The following ANKS1B variants were observed in gnomAD, a reference collection of about 807,000 sequenced individuals.
ANKS1B encodes the protein ankyrin repeat and sterile alpha motif domain-containing protein 1B.
A neutral mutation model predicts 148.3 loss-of-function variants in ANKS1B; 36 were observed. The ratio of observed to expected loss-of-function variants is 0.24; its 90% CI spans 0.19 to 0.32. The LOEUF (loss-of-function observed/expected upper bound fraction) is 0.32. Ranked by LOEUF, ANKS1B falls within the 10% of genes least tolerant of loss-of-function variation. The pLI is 1.00. For missense variants in ANKS1B, 1,157 were observed against 1,542.6 expected (o/e 0.75, Z 4.19); for synonymous variants, 542 against 560.8 (o/e 0.97, Z 0.47).
At chr12:98,882,790 G>C (rs936168743) in intron 17 of ANKS1B, among the ~76,000 whole-genome samples, 3 of 151,626 alleles carry the variant, frequency 2.0e-5, no homozygotes, top group African/African-American at 7.3e-5. Flanking sequence ...TTTAGGTAAA[G>C]AGAATGATCA....
At chr12:99,531,809 C>T (rs961701963) in intron 9 of ANKS1B, among the ~76,000 whole-genome samples, 1 of 152,190 alleles carries the variant, frequency 6.6e-6, no homozygotes, top group Non-Finnish European at 1.5e-5. Context: ...TACTAATTCA[C>T]ATTCCCACCA....
At position 99,825,408 on chromosome 12, in the gene ANKS1B, C is replaced by T. The variant is rs74769703; in HGVS notation, c.135-19G>A. 2,725 of 1,597,996 alleles carry T rather than the reference C, an allele frequency of 1.7e-3. 47 individuals are homozygous for T. In the African/African-American group the frequency reaches 0.032, roughly 19 times the overall value. ...CCAGATGCTGCAAATAAAGCACAAG[C>T]GCAGAGTTAACAGTGAAGCCAGATC... On this transcript the variant is annotated intron_variant, in intron 1 of 26. Coordinates refer to ENST00000683438, the MANE Select transcript of ANKS1B (RefSeq NM_001352186.2).
intron 1 of ANKS1B, among the ~76,000 whole-genome samples, chr12:99,903,613 T>A (rs2093674831): frequency 6.6e-6 from 1 of 152,146 alleles, no homozygotes; most frequent in East Asian, 1.9e-4. Flanking sequence ...AATAGACAGG[T>A]AAAGTTAATT....
intron 10 of ANKS1B, among the ~76,000 whole-genome samples, chr12:99,496,082 A>G (rs2096601630): frequency 6.6e-6 from 1 of 152,108 alleles, no homozygotes; most frequent in Non-Finnish European, 1.5e-5. Context: ...TTTATCAGAG[A>G]TCATCTATTC....
At chr12:99,412,937 C>T (rs73151181) in intron 11 of ANKS1B, among the ~76,000 whole-genome samples, 15,424 of 152,178 alleles carry the variant, frequency 0.1, 812 homozygotes, top group Non-Finnish European at 0.13. Flanking sequence ...AAGTGAAGTA[C>T]AATTTTTTGG....
chr12:98,775,871 C>G (rs35263167), intron 24 of ANKS1B, among the ~76,000 whole-genome samples: 12,670 of 152,254 alleles, frequency 0.083, 702 homozygotes, highest in Non-Finnish European at 0.12. Context: ...GTGGAAACTT[C>G]TACTACTCTG....
intron 12 of ANKS1B, among the ~76,000 whole-genome samples, chr12:99,296,487 T>C (rs1602537825): frequency 6.6e-6 from 1 of 152,192 alleles, no homozygotes; most frequent in Non-Finnish European, 1.5e-5. Context: ...GATCTTTCGA[T>C]GGCTGGCTCC....
intron 12 of ANKS1B, among the ~76,000 whole-genome samples, chr12:99,299,285 T>C (rs1176458575): frequency 6.6e-6 from 1 of 152,128 alleles, no homozygotes; most frequent in African/African-American, 2.4e-5. Flanking sequence ...GGTCTTGAAC[T>C]CCTGGCCTGA....
intron 20 of ANKS1B, among the ~76,000 whole-genome samples, chr12:98,805,034 G>C (rs1594240623): frequency 6.6e-6 from 1 of 152,148 alleles, no homozygotes; most frequent in Admixed American, 6.5e-5. Flanking sequence ...AGTAGGAAAA[G>C]TTTAGGGTAG....
At chr12:99,527,070 C>T (rs115115274) in intron 9 of ANKS1B, among the ~76,000 whole-genome samples, 22 of 152,242 alleles carry the variant, frequency 1.4e-4, no homozygotes, top group African/African-American at 5.1e-4. Flanking sequence ...CTCTCACAGA[C>T]CTCAGAAGGA....
chr12:99,186,376 G>T (rs572565851), intron 14 of ANKS1B, among the ~76,000 whole-genome samples: 1 of 152,186 alleles, frequency 6.6e-6, no homozygotes, highest in African/African-American at 2.4e-5. Flanking sequence ...CCGGCACATT[G>T]ATTGAGCTCT....
At chr12:99,028,905 G>A (rs117259069) in intron 17 of ANKS1B, among the ~76,000 whole-genome samples, 3,010 of 152,212 alleles carry the variant, frequency 0.02, 41 homozygotes, top group Non-Finnish European at 0.032. Context: ...ACAGCCAGGG[G>A]ATTTTTATAA....
chr12:99,229,117 G>C (rs180870462), intron 14 of ANKS1B, among the ~76,000 whole-genome samples: 60 of 151,998 alleles, frequency 3.9e-4, no homozygotes, highest in African/African-American at 1.3e-3. Context: ...GATATCCACT[G>C]TTAGACTTTT....
At chr12:99,547,508 T>C (rs1372197712) in intron 9 of ANKS1B, among the ~76,000 whole-genome samples, 1 of 152,058 alleles carries the variant, frequency 6.6e-6, no homozygotes, top group Admixed American at 6.6e-5. Context: ...TAGCCCCAAC[T>C]CTAAAGCAAA....
intron 1 of ANKS1B, among the ~76,000 whole-genome samples, chr12:99,835,132 C>T (rs2153692275): frequency 6.6e-6 from 1 of 151,646 alleles, no homozygotes; most frequent in South Asian, 2.1e-4. Context: ...AAGGTGAGGA[C>T]TGGGCATGGT....
intron 12 of ANKS1B, among the ~76,000 whole-genome samples, chr12:99,299,235 A>AT (rs953028332): frequency 6.6e-6 from 1 of 151,814 alleles, no homozygotes; most frequent in Admixed American, 6.6e-5. Flanking sequence ...TAAGTTTTCT[A>AT]TTTTTTGTAG....
chr12:99,356,057 A>C (rs1436738963), intron 12 of ANKS1B, among the ~76,000 whole-genome samples: 1 of 152,126 alleles, frequency 6.6e-6, no homozygotes, highest in Non-Finnish European at 1.5e-5. Context: ...GGGGATTAGA[A>C]TATTGAGGGA....
intron 17 of ANKS1B, among the ~76,000 whole-genome samples, chr12:98,851,382 A>C (rs2099524698): frequency 6.6e-6 from 1 of 152,208 alleles, no homozygotes; most frequent in African/African-American, 2.4e-5. Context: ...AGGGCTGAGA[A>C]GGAGATTTCC....
chr12:99,018,331 G>A (rs2099943786), intron 17 of ANKS1B, among the ~76,000 whole-genome samples: 1 of 152,172 alleles, frequency 6.6e-6, no homozygotes, highest in Non-Finnish European at 1.5e-5. Context: ...CTACAAGGAA[G>A]GGTCCTCCCC....
Sources: gnomAD v4.1 joint callset for allele counts (sites outside exome capture counted in the v4.1 genomes callset) on GRCh38, gnomAD v4.1.1 for gene constraint, MANE v1.5 for transcripts, NCBI Gene and HGNC (gene_info 2026-07-23, HGNC 2026-07-21) for gene names.